LRRC28: variants seen among roughly 807,000 people sequenced by gnomAD.
The protein encoded by LRRC28 is leucine-rich repeat-containing protein 28.
In LRRC28, 39 loss-of-function variants were observed where a neutral mutation model predicts 45.7. The observed-to-expected ratio is 0.85, with a 90% CI of 0.66 to 1.12. LRRC28 has a LOEUF of 1.12. Ranked by LOEUF, LRRC28 falls within the 50% of genes most tolerant of loss-of-function variation. LRRC28 has a pLI of 0.00. For synonymous variants in LRRC28, 206 were observed against 178.8 expected, an observed-to-expected ratio of 1.15 and a Z score of -1.22; for missense variants, 435 against 438.5, an observed-to-expected ratio of 0.99 and a Z score of 0.07.
At position 99,387,730 on chromosome 15, in the gene LRRC28, G is replaced by A. The variant is rs903919508; in HGVS notation, c.*1628G>A. On this transcript the variant is annotated 3_prime_UTR_variant, in exon 10 of 10. Transcript: ENST00000301981. The stretch of plus-strand genomic sequence containing the variant: ...ATGATGTAAGTTTTCTAAAAGGCAG[G>A]GCTGAATGGAGAACCAAGAATTTGC... The A allele has an allele frequency of 2.6e-5, 4 of 151,970 alleles. No individual in the cohort carries two copies. The highest frequency in any genetic ancestry group is 9.7e-5 in the African/African-American group (4 of 41,364). 9.4% of individuals were successfully genotyped at this position (151,970 alleles called of 1,614,324 possible). A position where few individuals can be genotyped will look rare whatever the true frequency, so the allele number is the denominator to read the frequency against.
intron 6 of LRRC28, among the ~76,000 whole-genome samples, chr15:99,341,081 GTCTTTTTT>G (rs1956491183): frequency 7.9e-6 from 1 of 127,046 alleles, no homozygotes; most frequent in African/African-American, 3.0e-5. Context: ...CTATTCTACT[GTCTTTTTT>G]TTTTTTTTTT....
chr15:99,261,370 C>T (rs1054439933), intron 2 of LRRC28, among the ~76,000 whole-genome samples: 2 of 152,184 alleles, frequency 1.3e-5, no homozygotes, highest in Non-Finnish European at 2.9e-5. Flanking sequence ...CATAACAAAA[C>T]ACCATAAAAT....
chr15:99,253,949 G>A (rs1020872629), intron 1 of LRRC28, among the ~76,000 whole-genome samples: 3 of 152,196 alleles, frequency 2.0e-5, no homozygotes, highest in Non-Finnish European at 4.4e-5. Flanking sequence ...TGAGCCACTG[G>A]GTGGATGGAG....
intron 2 of LRRC28, chr15:99,258,197 G>A: frequency 1.9e-6 from 3 of 1,612,068 alleles, no homozygotes; most frequent in Non-Finnish European, 2.5e-6. Flanking sequence ...TGAATTGATT[G>A]GCCAGTTTGG....
At chr15:99,259,493 A>G (rs1300551279) in intron 2 of LRRC28, 6 of 1,153,868 alleles carry the variant, frequency 5.2e-6, no homozygotes, top group Non-Finnish European at 7.9e-6. Flanking sequence ...AGATAAAGCC[A>G]TTAAGGACAA....
chr15:99,363,129 T>G lies in LRRC28; in HGVS notation c.895T>G (p.Ser299Ala). ...AGATTTGAACTTTCTGTCTCCAATCTCATTACCCAGAAGTCTCCTAGAGCT... is the reference window on the plus strand; with the variant it reads ...AGATTTGAACTTTCTGTCTCCAATCGCATTACCCAGAAGTCTCCTAGAGCT... ...LKDLNFLSPI[S>A]LPRSLLELLH... Residue 299 changes from serine (S) to alanine (A), a missense_variant, in exon 9 of 10, where the codon TCA (serine) becomes GCA (alanine). By Grantham distance (99) the Ser-to-Ala change is moderately conservative. Transcript: ENST00000301981. 1.2e-6 allele frequency: 2 copies of G among 1,610,552 alleles called. No individual in the cohort carries two copies. Among genetic ancestry groups the G allele is most frequent in the East Asian group, 2.2e-5 (1 of 44,762 alleles).
At chr15:99,367,979 A>G (rs943756210) in intron 9 of LRRC28, among the ~76,000 whole-genome samples, 2 of 152,150 alleles carry the variant, frequency 1.3e-5, no homozygotes, top group African/African-American at 2.4e-5. Context: ...AGGGATTCCC[A>G]AGCCACCAGT....
chr15:99,265,844 A>G (rs1286116424), intron 2 of LRRC28, among the ~76,000 whole-genome samples: 1 of 152,176 alleles, frequency 6.6e-6, no homozygotes, highest in African/African-American at 2.4e-5. Flanking sequence ...GGAAAACATA[A>G]AATCTCAACC....
chr15:99,350,548 A>T (rs535267732), intron 6 of LRRC28, among the ~76,000 whole-genome samples: 1 of 152,166 alleles, frequency 6.6e-6, no homozygotes, highest in Non-Finnish European at 1.5e-5. Context: ...TCCTGTTTCC[A>T]CATCGGTTAT....
chr15:99,385,298 GGC>G, intron 9 of LRRC28, among the ~76,000 whole-genome samples: 1 of 152,372 alleles, frequency 6.6e-6, no homozygotes, highest in South Asian at 2.1e-4. Context: ...CACAGGGAAA[GGC>G]GGACTGTGTT....
chr15:99,287,821 G>A lies in LRRC28; in HGVS notation c.255G>A (p.Gly85=), dbSNP rs2081998477. The A allele has an allele frequency of 1.9e-6, 3 of 1,609,086 alleles. No individual in the cohort carries two copies. The highest frequency in any genetic ancestry group is 4.5e-5 in the East Asian group (2 of 44,614). ...CTCCTTTTCTCTTTGAAGCCATTGG[G>A]TCTCTTGTAAAACTCCAATGTCTGG... is the stretch of plus-strand genomic sequence containing the variant. The part of the protein sequence containing the change: ...NNIVVVPEAI[G]SLVKLQCLDL... Residue 85 remains glycine, a synonymous_variant, in exon 5 of 10, where the codon GGG becomes GGA. Coordinates refer to ENST00000301981, the MANE Select transcript of LRRC28 (RefSeq NM_144598.5).
At chr15:99,375,444 CTTG>C (rs1403769849) in intron 9 of LRRC28, among the ~76,000 whole-genome samples, 1 of 151,904 alleles carries the variant, frequency 6.6e-6, no homozygotes, top group African/African-American at 2.4e-5. Flanking sequence ...TTGTATTATC[CTTG>C]TCTGGTTCTG....
intron 6 of LRRC28, among the ~76,000 whole-genome samples, chr15:99,341,375 A>T (rs1227322891): frequency 6.6e-6 from 1 of 152,080 alleles, no homozygotes; most frequent in Admixed American, 6.5e-5. Flanking sequence ...TACAGGCGTG[A>T]GCCACCGCGC....
intron 1 of LRRC28, 138 bp from the exon 2 acceptor site, chr15:99,255,759 GT>G (rs1227265617): frequency 4.5e-6 from 2 of 444,640 alleles, no homozygotes; most frequent in East Asian, 7.1e-5. Context: ...GACAGTTTTA[GT>G]TTTGAAAGTA....
chr15:99,253,332 G>A (rs1458121735), intron 1 of LRRC28, among the ~76,000 whole-genome samples: 3 of 152,156 alleles, frequency 2.0e-5, no homozygotes, highest in Non-Finnish European at 4.4e-5. Context: ...AGTTGGCCAG[G>A]CTGGTCTCGA....
At chr15:99,372,389 T>A (rs1957508189) in intron 9 of LRRC28, among the ~76,000 whole-genome samples, 1 of 152,248 alleles carries the variant, frequency 6.6e-6, no homozygotes. Flanking sequence ...CATCTTTTTC[T>A]TAACTGTAGA....
intron 5 of LRRC28, among the ~76,000 whole-genome samples, chr15:99,308,519 A>G (rs1955275145): frequency 6.6e-6 from 1 of 152,052 alleles, no homozygotes; most frequent in Admixed American, 6.6e-5. Flanking sequence ...TAAAAATAAA[A>G]AACTTAGTTA....
intron 6 of LRRC28, among the ~76,000 whole-genome samples, chr15:99,347,251 C>T (rs1442589682): frequency 1.3e-5 from 2 of 151,896 alleles, no homozygotes; most frequent in African/African-American, 4.8e-5. Flanking sequence ...CCTCTGTCAC[C>T]CAGGCTGGAG....
chr15:99,352,623 G>T, intron 7 of LRRC28, 152 bp downstream of exon 7: 4 of 551,508 alleles, frequency 7.3e-6, no homozygotes, highest in Non-Finnish European at 9.5e-6. Flanking sequence ...TGCACATTGG[G>T]TTCAGTCAGT....
Sources: allele counts gnomAD v4.1 joint callset (sites outside exome capture counted in the v4.1 genomes callset), GRCh38; gene constraint gnomAD v4.1.1; transcripts MANE v1.5; gene names NCBI Gene and HGNC (gene_info 2026-07-23, HGNC 2026-07-21).